Variants in CNTNAP2 observed in about 807,000 individuals in gnomAD.
The protein encoded by CNTNAP2 is contactin-associated protein-like 2.
Under a neutral mutation model 155.2 loss-of-function variants are expected in CNTNAP2, and 98 were observed. The observed-to-expected ratio is 0.63, with a 90% CI of 0.54 to 0.75. The LOEUF (loss-of-function observed/expected upper bound fraction) is 0.75. Ranked by LOEUF, CNTNAP2 falls within the 30% of genes least tolerant of loss-of-function variation. The pLI, the probability that CNTNAP2 is intolerant of heterozygous loss-of-function variation, is 0.00. For synonymous variants in CNTNAP2, 651 were observed against 631.2 expected, an observed-to-expected ratio of 1.03 and a Z score of -0.47; for missense variants, 1,727 against 1,688.1, an observed-to-expected ratio of 1.02 and a Z score of -0.40.
chr7:147,936,143 A>C (rs2116807163), intron 14 of CNTNAP2, among the ~76,000 whole-genome samples: 1 of 152,348 alleles, frequency 6.6e-6, no homozygotes, highest in Non-Finnish European at 1.5e-5. Flanking sequence ...ACTAAGCTAA[A>C]CATGAGAACC....
At chr7:147,572,606 T>C (rs1409838702) in intron 12 of CNTNAP2, among the ~76,000 whole-genome samples, 1 of 152,062 alleles carries the variant, frequency 6.6e-6, no homozygotes, top group East Asian at 1.9e-4. Context: ...CTTCACAGTG[T>C]GGATGGCTAG....
chr7:146,867,468 G>A (rs1422423368), intron 3 of CNTNAP2, among the ~76,000 whole-genome samples: 1 of 152,078 alleles, frequency 6.6e-6, no homozygotes, highest in Non-Finnish European at 1.5e-5. Flanking sequence ...CATGAATAGT[G>A]CTACAATGAA....
intron 1 of CNTNAP2, among the ~76,000 whole-genome samples, chr7:146,141,363 A>G (rs1425892449): frequency 1.3e-5 from 2 of 152,136 alleles, no homozygotes; most frequent in Non-Finnish European, 2.9e-5. Context: ...CATTGAAACA[A>G]TGTTTAAATT....
intron 1 of CNTNAP2, among the ~76,000 whole-genome samples, chr7:146,121,487 A>G (rs907217685): frequency 6.6e-6 from 1 of 152,172 alleles, no homozygotes; most frequent in Admixed American, 6.5e-5. Context: ...TGGAGATCCA[A>G]CTTGTGCAAG....
intron 14 of CNTNAP2, among the ~76,000 whole-genome samples, chr7:147,972,358 TC>T (rs1464079727): frequency 3.3e-5 from 5 of 152,242 alleles, no homozygotes; most frequent in Non-Finnish European, 7.3e-5. Flanking sequence ...GTAATCATTT[TC>T]ATAATATTTG....
rs531372098 is a variant in CNTNAP2 at position 148,253,733 on chromosome 7, A to G, written c.3382-13300A>G. ...TGTGCTCTGGGTGGCCCATGGGATGAGTGTACTACTGGGCAGGTGTAACTT... is the reference window on the plus strand; with the variant it reads ...TGTGCTCTGGGTGGCCCATGGGATGGGTGTACTACTGGGCAGGTGTAACTT... On this transcript the variant is annotated intron_variant, in intron 20 of 23. Coordinates refer to ENST00000361727, the MANE Select transcript of CNTNAP2 (RefSeq NM_014141.6). Among the ~76,000 whole-genome samples the G allele has an allele frequency of 2.0e-5, 3 of 152,316 alleles. No individual in the cohort carries two copies. In the South Asian group the frequency reaches 6.2e-4, roughly 32 times the overall value.
intron 3 of CNTNAP2, among the ~76,000 whole-genome samples, chr7:146,960,335 C>T (rs1290166315): frequency 2.0e-5 from 3 of 152,164 alleles, no homozygotes; most frequent in Non-Finnish European, 4.4e-5. Context: ...TCAGTTTTAG[C>T]ATTTCATGAG....
At chr7:147,186,583 C>T (rs956955515) in intron 8 of CNTNAP2, among the ~76,000 whole-genome samples, 1 of 152,170 alleles carries the variant, frequency 6.6e-6, no homozygotes, top group African/African-American at 2.4e-5. Flanking sequence ...GCACTGACCC[C>T]TGTTCTCATT....
At chr7:148,204,095 G>A (rs1244280298) in intron 18 of CNTNAP2, among the ~76,000 whole-genome samples, 1 of 152,138 alleles carries the variant, frequency 6.6e-6, no homozygotes, top group Non-Finnish European at 1.5e-5. Flanking sequence ...CTGTATTTGC[G>A]CCCCATTCAA....
intron 3 of CNTNAP2, among the ~76,000 whole-genome samples, chr7:146,997,013 C>T (rs1406482999): frequency 1.3e-5 from 2 of 152,052 alleles, no homozygotes; most frequent in Non-Finnish European, 2.9e-5. Flanking sequence ...TTTTACCTTC[C>T]ACCATGATTG....
intron 9 of CNTNAP2, among the ~76,000 whole-genome samples, chr7:147,326,261 T>C (rs967445334): frequency 1.3e-5 from 2 of 152,218 alleles, no homozygotes. Context: ...AATTTGAATA[T>C]TCTAGGTACC....
intron 1 of CNTNAP2, among the ~76,000 whole-genome samples, chr7:146,684,246 G>A (rs2129170407): frequency 1.3e-5 from 2 of 152,214 alleles, no homozygotes; most frequent in Middle Eastern, 3.4e-3. Flanking sequence ...TATAAGATGA[G>A]TTCACAAACC....
intron 1 of CNTNAP2, among the ~76,000 whole-genome samples, chr7:146,509,039 A>C (rs1272722146): frequency 6.6e-6 from 1 of 152,200 alleles, no homozygotes; most frequent in Non-Finnish European, 1.5e-5. Flanking sequence ...GACAGTGGCC[A>C]GGGAGCCAAA....
At chr7:147,228,994 T>C (rs1260455521) in intron 8 of CNTNAP2, among the ~76,000 whole-genome samples, 1 of 152,098 alleles carries the variant, frequency 6.6e-6, no homozygotes, top group Non-Finnish European at 1.5e-5. Context: ...ACTCATCCTT[T>C]TGTATGGCTG....
intron 13 of CNTNAP2, among the ~76,000 whole-genome samples, chr7:147,731,958 T>C (rs988191879): frequency 3.9e-5 from 6 of 152,156 alleles, no homozygotes; most frequent in Non-Finnish European, 8.8e-5. Flanking sequence ...CCTGAAGGTG[T>C]GACTGAATTG....
intron 13 of CNTNAP2, among the ~76,000 whole-genome samples, chr7:147,706,543 T>C (rs1371269050): frequency 6.6e-6 from 1 of 152,178 alleles, no homozygotes; most frequent in Non-Finnish European, 1.5e-5. Flanking sequence ...GCTTTTCTCT[T>C]GCTGGTTTTA....
At chr7:147,055,046 G>A (rs1289574591) in intron 4 of CNTNAP2, among the ~76,000 whole-genome samples, 1 of 151,982 alleles carries the variant, frequency 6.6e-6, no homozygotes, top group African/African-American at 2.4e-5. Flanking sequence ...AATTAATGGG[G>A]GAATAATCTC....
rs555871384 is a variant in CNTNAP2 at position 148,186,756 on chromosome 7, G to A, written c.3010+14278G>A. Among the ~76,000 whole-genome samples, 115 of 152,296 alleles carry A rather than the reference G, an allele frequency of 7.6e-4. 1 individual carries two copies. The Middle Eastern group carries it at 0.01, about 14-fold the overall frequency. ...CACCTGGCCTAAGTTTGACACAAAA[G>A]GGGTATTTAATAGCTGATTCATTCC... On this transcript the variant is annotated intron_variant, in intron 18 of 23. Coordinates refer to ENST00000361727, the MANE Select transcript of CNTNAP2 (RefSeq NM_014141.6).
At chr7:147,837,068 A>G (rs1001076033) in intron 13 of CNTNAP2, among the ~76,000 whole-genome samples, 21 of 152,150 alleles carry the variant, frequency 1.4e-4, no homozygotes, top group African/African-American at 4.8e-4. Context: ...CCTAATTAGT[A>G]TTATCCATTT....
Sources: gnomAD v4.1 joint callset for allele counts (sites outside exome capture counted in the v4.1 genomes callset) on GRCh38, gnomAD v4.1.1 for gene constraint, MANE v1.5 for transcripts, NCBI Gene and HGNC (gene_info 2026-07-23, HGNC 2026-07-21) for gene names.